WWC1: variants seen among roughly 807,000 people sequenced by gnomAD.
WWC1 encodes WW and C2 domain containing 1, also known as protein KIBRA.
In WWC1, 55 loss-of-function variants were observed where a neutral mutation model predicts 138.4. The ratio of observed to expected loss-of-function variants is 0.40; its 90% CI spans 0.32 to 0.50. The LOEUF is 0.50. Among genes scored for constraint, WWC1 ranks in the 20% least tolerant of loss-of-function variants. The pLI, the probability that WWC1 is intolerant of heterozygous loss-of-function variation, is 0.72. For synonymous variants in WWC1, 524 were observed against 564.9 expected (o/e 0.93, Z 1.03); for missense variants, 1,226 against 1,420.4 (o/e 0.86, Z 2.20).
intron 8 of WWC1, chr5:168,412,232 C>G: frequency 1.0e-6 from 1 of 977,630 alleles, no homozygotes; most frequent in Non-Finnish European, 1.2e-6. Context: ...TATGCAGCCT[C>G]TTGCTTGCCC....
At chr5:168,334,340 G>T (rs959793358) in intron 1 of WWC1, among the ~76,000 whole-genome samples, 3 of 152,000 alleles carry the variant, frequency 2.0e-5, no homozygotes, top group African/African-American at 4.8e-5. Flanking sequence ...CTGTTTCTCT[G>T]CCCCACCCCC....
intron 17 of WWC1, among the ~76,000 whole-genome samples, chr5:168,448,710 C>G (rs192686840): frequency 1.9e-3 from 281 of 151,578 alleles, no homozygotes; most frequent in Admixed American, 5.6e-3. Flanking sequence ...GCTCCGCCAC[C>G]TGGGTTCACG....
chr5:168,292,220 A>G lies in WWC1; in HGVS notation c.68A>G (p.Tyr23Cys), dbSNP rs771307248. The G allele has an allele frequency of 3.2e-6, 5 of 1,585,538 alleles. No individual in the cohort carries two copies. The highest frequency in any genetic ancestry group is 1.2e-5 in the South Asian group (1 of 86,618). Reference sequence around the variant, plus strand: ...GCGCGCGACTTCGACGGCAAGGTCTACTACATAGACCACACGAACCGCACC... The same window carrying G: ...GCGCGCGACTTCGACGGCAAGGTCTGCTACATAGACCACACGAACCGCACC... ...EEARDFDGKV[Y>C]YIDHTNRTTS... The change falls in exon 1 of 23, where the codon TAC becomes TGC. Residue 23 changes from tyrosine to cysteine, a missense_variant. Physicochemically the swap from Tyr to Cys is radical, Grantham distance 194. Transcript: ENST00000265293. The surrounding 1 kb of genome is among the most constrained non-coding windows in gnomAD (Gnocchi z 4.4).
At chr5:168,320,235 A>C (rs947820477) in intron 1 of WWC1, among the ~76,000 whole-genome samples, 2 of 152,066 alleles carry the variant, frequency 1.3e-5, no homozygotes, top group African/African-American at 4.8e-5. Context: ...GAGTTTCACC[A>C]TGTTGGCCAG....
intron 1 of WWC1, among the ~76,000 whole-genome samples, chr5:168,293,391 G>T (rs1202541698): frequency 6.6e-6 from 1 of 152,096 alleles, no homozygotes; most frequent in Non-Finnish European, 1.5e-5. Flanking sequence ...TGTGGTGGGG[G>T]TGGAGGTGTC....
At chr5:168,444,251 T>C (rs1009867583) in intron 16 of WWC1, among the ~76,000 whole-genome samples, 5 of 152,232 alleles carry the variant, frequency 3.3e-5, no homozygotes, top group African/African-American at 1.2e-4. Flanking sequence ...TTGGCTATCT[T>C]CCATCACGAT....
At chr5:168,327,493 T>C (rs1772663542) in intron 1 of WWC1, among the ~76,000 whole-genome samples, 2 of 152,236 alleles carry the variant, frequency 1.3e-5, no homozygotes, top group African/African-American at 4.8e-5. Flanking sequence ...AATTGGCAAG[T>C]TGGAAGATTG....
At chr5:168,299,557 G>A (rs1769872955) in intron 1 of WWC1, among the ~76,000 whole-genome samples, 1 of 152,174 alleles carries the variant, frequency 6.6e-6, no homozygotes, top group African/African-American at 2.4e-5. Flanking sequence ...AGTAGCCAAG[G>A]CCGTTCCTCT....
chr5:168,454,169 T>C, intron 18 of WWC1, 69 bp downstream of exon 18: 1 of 1,573,086 alleles, frequency 6.4e-7, no homozygotes, highest in Non-Finnish European at 8.6e-7. Flanking sequence ...GCCGAGGCAG[T>C]CAGAAAAGAC....
At chr5:168,460,816 A>G (rs1000295454) in intron 20 of WWC1, 74 bp downstream of exon 20, 27 of 1,450,918 alleles carry the variant, frequency 1.9e-5, no homozygotes, top group Non-Finnish European at 2.5e-5. Flanking sequence ...TCCTGCACAC[A>G]CATCTCCTAA....
At chr5:168,327,528 G>A (rs1359467137) in intron 1 of WWC1, among the ~76,000 whole-genome samples, 1 of 152,232 alleles carries the variant, frequency 6.6e-6, no homozygotes, top group Non-Finnish European at 1.5e-5. Context: ...AGAGAAATGG[G>A]TTTGCAATTA....
At position 168,437,015 on chromosome 5, in the gene WWC1, C is replaced by G. The variant is rs566683958; in HGVS notation, c.2281-4667C>G. Among the ~76,000 whole-genome samples, 4 of 151,778 alleles carry G rather than the reference C, an allele frequency of 2.6e-5. No homozygotes were observed. The South Asian group carries it at 8.3e-4, about 32-fold the overall frequency. ...TCCAAGGCCCCTTGGGATTTGGCCA[C>G]TTATTAAAATCTCTGGGATTATATC... is the stretch of plus-strand genomic sequence containing the variant. On this transcript the variant is annotated intron_variant, in intron 15 of 22. Transcript: ENST00000265293.
At position 168,298,164 on chromosome 5, in the gene WWC1, G is replaced by A. The variant is rs1005386447; in HGVS notation, c.119+5893G>A. ...AGCAATTCTCGTGCCTCAGCCTCCCGAGTAGCTGGGATTACAGGTGCATGC... is the reference window on the plus strand; with the variant it reads ...AGCAATTCTCGTGCCTCAGCCTCCCAAGTAGCTGGGATTACAGGTGCATGC... On this transcript the variant is annotated intron_variant, in intron 1 of 22. Transcript: ENST00000265293. 3.9e-5 allele frequency among the ~76,000 whole-genome samples: 6 copies of A among 151,902 alleles called. No homozygotes were observed. The South Asian group carries it at 6.2e-4, about 16-fold the overall frequency.
At chr5:168,409,389 C>T (rs747744917) in intron 7 of WWC1, among the ~76,000 whole-genome samples, 4 of 152,140 alleles carry the variant, frequency 2.6e-5, no homozygotes, top group Non-Finnish European at 5.9e-5. Context: ...AGAGGCTGTC[C>T]CTTCCTTCCC....
chr5:168,336,571 CAAA>C lies in WWC1; in HGVS notation c.120-34831_120-34829del, dbSNP rs57339649. Among the ~76,000 whole-genome samples the C allele has an allele frequency of 4.9e-3, 285 of 57,998 alleles. 1 individual carries two copies. The highest frequency in any genetic ancestry group is 0.014 in the African/African-American group (258 of 18,522). The allele number at this position is 57,998 out of a possible 152,430, so 38.0% of individuals were successfully genotyped here. A position where few individuals can be genotyped will look rare whatever the true frequency, so the allele number is the denominator to read the frequency against. ...TGGGCAACAGAGCCAGACTCTGTCTCAAAAAAAAAAAAAAAAAAAAAAAACAAT... is the reference window on the plus strand; with the variant it reads ...TGGGCAACAGAGCCAGACTCTGTCTCAAAAAAAAAAAAAAAAAAAAACAAT... On this transcript the variant is annotated intron_variant, in intron 1 of 22. Coordinates refer to ENST00000265293, the MANE Select transcript of WWC1 (RefSeq NM_015238.3).
chr5:168,302,641 G>A (rs570514625), intron 1 of WWC1, among the ~76,000 whole-genome samples: 67 of 152,116 alleles, frequency 4.4e-4, no homozygotes, highest in Non-Finnish European at 6.8e-4. Context: ...TCTCCAACTC[G>A]TAGAATTTAC....
At chr5:168,379,064 G>A (rs1777431773) in intron 2 of WWC1, among the ~76,000 whole-genome samples, 1 of 152,162 alleles carries the variant, frequency 6.6e-6, no homozygotes, top group Non-Finnish European at 1.5e-5. Context: ...GCATGGAGCA[G>A]AAGAAAGTGG....
At chr5:168,443,801 A>G (rs1039831193) in intron 16 of WWC1, among the ~76,000 whole-genome samples, 3 of 152,176 alleles carry the variant, frequency 2.0e-5, no homozygotes, top group Non-Finnish European at 4.4e-5. Flanking sequence ...CCACAAATTA[A>G]CCATGTGCTC....
chr5:168,359,033 G>GGGGT (rs1491404850), intron 1 of WWC1, among the ~76,000 whole-genome samples: 14 of 148,304 alleles, frequency 9.4e-5, no homozygotes, highest in Non-Finnish European at 1.3e-4. Context: ...GTGGTGGTGG[G>GGGGT]GTGTGTGTGT....
Sources: allele counts gnomAD v4.1 joint callset (sites outside exome capture counted in the v4.1 genomes callset), GRCh38; gene constraint gnomAD v4.1.1; non-coding constraint Gnocchi (gnomAD v3.1); transcripts MANE v1.5; gene names NCBI Gene and HGNC (gene_info 2026-07-23, HGNC 2026-07-21).